Variants in KAZN observed in about 807,000 individuals in gnomAD.
KAZN encodes the protein kazrin.
A neutral mutation model predicts 87.4 loss-of-function variants in KAZN; 40 were observed. The observed-to-expected ratio is 0.46, with a 90% CI of 0.36 to 0.60. The LOEUF (loss-of-function observed/expected upper bound fraction) is 0.60, where lower values mean the gene tolerates loss of function less well. KAZN is among the 20% of genes least tolerant of loss of function. The pLI is 0.00. For synonymous variants in KAZN, 466 were observed against 458.3 expected, an observed-to-expected ratio of 1.02 and a Z score of -0.22; for missense variants, 898 against 1,073.9, an observed-to-expected ratio of 0.84 and a Z score of 2.29.
intron 1 of KAZN, among the ~76,000 whole-genome samples, chr1:14,927,089 T>G (rs1427586689): frequency 6.6e-6 from 1 of 152,178 alleles, no homozygotes; most frequent in Non-Finnish European, 1.5e-5. Flanking sequence ...CCGCACCTGC[T>G]TCTGCCTCGA....
intron 2 of KAZN, among the ~76,000 whole-genome samples, chr1:14,985,899 A>G (rs1666762307): frequency 6.7e-6 from 1 of 148,420 alleles, no homozygotes; most frequent in East Asian, 2.1e-4. Context: ...GCTACTCACG[A>G]GGCTGAGGCC....
chr1:14,907,620 C>T (rs930846306), intron 1 of KAZN, among the ~76,000 whole-genome samples: 1 of 152,096 alleles, frequency 6.6e-6, no homozygotes, highest in Admixed American at 6.6e-5. Context: ...TGACTCTGCC[C>T]GGGCATGTCC....
At chr1:14,297,048 A>G (rs1422947910) in intron 2 of KAZN, among the ~76,000 whole-genome samples, 1 of 152,166 alleles carries the variant, frequency 6.6e-6, no homozygotes, top group East Asian at 1.9e-4. Context: ...CCAGAGGCCA[A>G]GGCCCTCTGG....
chr1:15,007,008 G>C lies in KAZN; in HGVS notation c.419-27741G>C, dbSNP rs1025769799. ...GGAGGCGGAGCTTGCAGTGAGCTGA[G>C]ATCGCGCCACTGCACTCCAGCCTGG... is the stretch of plus-strand genomic sequence containing the variant. On this transcript the variant is annotated intron_variant, in intron 2 of 14. Coordinates refer to ENST00000376030, the MANE Select transcript of KAZN (RefSeq NM_201628.3). 2.3e-5 allele frequency among the ~76,000 whole-genome samples: 3 copies of C among 132,900 alleles called. No individual in the cohort carries two copies. In the Admixed American group the frequency reaches 2.6e-4, roughly 11 times the overall value. The allele number at this position is 132,900 out of a possible 152,430, so 87.2% of individuals were successfully genotyped here.
rs1553181094 is a variant in KAZN at position 13,981,089 on chromosome 1, T to TCTCTCTCTCTATATA, written c.91+87333_91+87334insCTCTCTCTCTATATA. 3.6e-4 allele frequency among the ~76,000 whole-genome samples: 23 copies of TCTCTCTCTCTATATA among 63,134 alleles called. 2 individuals carry two copies. Among genetic ancestry groups the TCTCTCTCTCTATATA allele is most frequent in the African/African-American group, 1.2e-3 (21 of 17,198 alleles). 41.4% of individuals were successfully genotyped at this position (63,134 alleles called of 152,430 possible). ...TTGGAGAGGTATAAAAAATTACTCT[T>TCTCTCTCTCTATATA]TATATATATATATATATATATGTAT... On this transcript the variant is annotated intron_variant, in intron 1 of 16. Transcript: ENST00000636203.
At chr1:14,430,650 A>C (rs1480757853) in intron 2 of KAZN, among the ~76,000 whole-genome samples, 2 of 152,220 alleles carry the variant, frequency 1.3e-5, no homozygotes, top group African/African-American at 4.8e-5. Context: ...GAGAAGACAC[A>C]CAAGCCAGAC....
At chr1:14,196,648 A>G (rs769145445) in intron 2 of KAZN, among the ~76,000 whole-genome samples, 1 of 152,052 alleles carries the variant, frequency 6.6e-6, no homozygotes, top group Non-Finnish European at 1.5e-5. Flanking sequence ...TTGGGTTGGG[A>G]CATATGTTTA....
At chr1:14,567,005 A>G (rs951931867) in intron 2 of KAZN, among the ~76,000 whole-genome samples, 5 of 152,192 alleles carry the variant, frequency 3.3e-5, no homozygotes, top group African/African-American at 1.2e-4. Context: ...TTCCTTCAAG[A>G]ACTTTTCTTT....
chr1:14,527,857 T>C (rs1671974148), intron 2 of KAZN, among the ~76,000 whole-genome samples: 1 of 152,126 alleles, frequency 6.6e-6, no homozygotes, highest in Admixed American at 6.5e-5. Flanking sequence ...CCCAAATACC[T>C]TCTATCAGGC....
intron 2 of KAZN, among the ~76,000 whole-genome samples, chr1:14,328,234 C>T (rs1195645450): frequency 6.6e-6 from 1 of 152,158 alleles, no homozygotes; most frequent in Admixed American, 6.5e-5. Flanking sequence ...TCTTTAGCTA[C>T]AATAGATAAA....
intron 1 of KAZN, among the ~76,000 whole-genome samples, chr1:14,633,704 G>A (rs1013100696): frequency 3.9e-5 from 6 of 152,042 alleles, no homozygotes; most frequent in African/African-American, 1.2e-4. Context: ...CACAGTCCTC[G>A]ACTCTCAGAC....
intron 1 of KAZN, among the ~76,000 whole-genome samples, chr1:14,640,987 G>A (rs1680368022): frequency 1.3e-5 from 2 of 152,192 alleles, no homozygotes; most frequent in African/African-American, 4.8e-5. Context: ...CCTTTCTTCA[G>A]TGGCAAAATG....
intron 1 of KAZN, among the ~76,000 whole-genome samples, chr1:14,746,774 G>C (rs1479560700): frequency 6.6e-6 from 1 of 152,150 alleles, no homozygotes; most frequent in African/African-American, 2.4e-5. Context: ...ACCAGAACAA[G>C]GTCAAAGTAG....
At chr1:13,981,565 C>A (rs1638710986) in intron 1 of KAZN, among the ~76,000 whole-genome samples, 1 of 152,070 alleles carries the variant, frequency 6.6e-6, no homozygotes, top group Admixed American at 6.5e-5. Context: ...TAGATTCCTG[C>A]AATTACAGAG....
At chr1:14,841,156 G>A (rs754344773) in intron 1 of KAZN, among the ~76,000 whole-genome samples, 4 of 151,914 alleles carry the variant, frequency 2.6e-5, no homozygotes, top group East Asian at 1.9e-4. Context: ...GGTGGCTCAC[G>A]CTTGTAATCC....
At chr1:14,999,151 G>C (rs1048329404) in intron 2 of KAZN, among the ~76,000 whole-genome samples, 2 of 152,208 alleles carry the variant, frequency 1.3e-5, no homozygotes, top group African/African-American at 4.8e-5. Context: ...GTGCCACTGT[G>C]CTCCAGCCTG....
chr1:13,975,619 C>T (rs1638312519), intron 1 of KAZN, among the ~76,000 whole-genome samples: 1 of 152,176 alleles, frequency 6.6e-6, no homozygotes, highest in South Asian at 2.1e-4. Flanking sequence ...AGATACTCAT[C>T]AAATATTGAT....
chr1:14,397,743 C>A (rs1046631758), intron 2 of KAZN, among the ~76,000 whole-genome samples: 1 of 151,700 alleles, frequency 6.6e-6, no homozygotes, highest in Admixed American at 6.6e-5. Context: ...TGCCTGTAAT[C>A]CCAGATACTT....
Position 14,138,428 on chromosome 1 carries a change from G to A in KAZN, c.92-42007G>A, listed in dbSNP as rs530172628. ...TCTTAGAAGTTAAGAAAGTTCCCTG[G>A]AAGTATCCCATTGGAACTTCTCTAA... On this transcript the variant is annotated intron_variant, in intron 1 of 16. Coordinates refer to the KAZN transcript ENST00000636203. 1.6e-4 allele frequency among the ~76,000 whole-genome samples: 24 copies of A among 152,212 alleles called. No homozygotes were observed. In the Middle Eastern group the frequency reaches 0.01, roughly 65 times the overall value.
Sources: gnomAD v4.1 joint callset for allele counts (sites outside exome capture counted in the v4.1 genomes callset) on GRCh38, gnomAD v4.1.1 for gene constraint, MANE v1.5 for transcripts, NCBI Gene and HGNC (gene_info 2026-07-23, HGNC 2026-07-21) for gene names.